Variants in PDE11A observed in about 807,000 individuals in gnomAD.
PDE11A encodes phosphodiesterase 11A, also known as dual 3',5'-cyclic-AMP and -GMP phosphodiesterase 11A.
A neutral mutation model predicts 100.5 loss-of-function variants in PDE11A; 100 were observed. The observed-to-expected ratio is 1.00, with a 90% CI of 0.85 to 1.18. PDE11A has a LOEUF of 1.18. Ranked by LOEUF, PDE11A falls within the 50% of genes most tolerant of loss-of-function variation. The pLI, the probability that PDE11A is intolerant of heterozygous loss-of-function variation, is 0.00. For synonymous variants in PDE11A, 381 were observed against 420.8 expected, an observed-to-expected ratio of 0.91 and a Z score of 1.16; for missense variants, 1,141 against 1,152.6, an observed-to-expected ratio of 0.99 and a Z score of 0.15.
chr2:177,627,769 C>G lies in PDE11A; in HGVS notation c.*1638G>C, dbSNP rs2079858479. On this transcript the variant is annotated 3_prime_UTR_variant, in exon 20 of 20. Coordinates refer to ENST00000286063, the MANE Select transcript of PDE11A (RefSeq NM_016953.4). ...GTTGAGGCTGGAGAATTGCTTGAAC[C>G]CAGGAAGCAGAGGTTGCAGTAAGCC... The G allele has an allele frequency of 6.6e-6, 1 of 152,170 alleles. No individual in the cohort carries two copies. The highest frequency in any genetic ancestry group is 2.1e-4 in the South Asian group (1 of 4,830). 9.4% of individuals were successfully genotyped at this position (152,170 alleles called of 1,614,324 possible).
intron 5 of PDE11A, among the ~76,000 whole-genome samples, chr2:177,871,893 C>T (rs1187061623): frequency 6.6e-6 from 1 of 152,106 alleles, no homozygotes; most frequent in African/African-American, 2.4e-5. Flanking sequence ...TCCAGGAATA[C>T]TTCAAGGATG....
At chr2:177,711,245 C>A (rs1464218851) in intron 13 of PDE11A, among the ~76,000 whole-genome samples, 2 of 152,190 alleles carry the variant, frequency 1.3e-5, no homozygotes, top group Non-Finnish European at 2.9e-5. Flanking sequence ...TTGTTTCTTC[C>A]ACCTTTCTAT....
At position 177,692,492 on chromosome 2, in the gene PDE11A, T is replaced by C. The variant is rs116024868; in HGVS notation, c.2345+4840A>G. Among the ~76,000 whole-genome samples the C allele has an allele frequency of 9.3e-3, 1,423 of 152,330 alleles. 10 individuals carry two copies. The highest frequency in any genetic ancestry group is 0.015 in the Non-Finnish European group (1,036 of 68,030). ...GAGATTAGAATGGGTGATATGCCTATACCCCTGTTGCTGACAAGGAAACTG... is the reference window on the plus strand; with the variant it reads ...GAGATTAGAATGGGTGATATGCCTACACCCCTGTTGCTGACAAGGAAACTG... On this transcript the variant is annotated intron_variant, in intron 15 of 19. Coordinates refer to ENST00000286063, the MANE Select transcript of PDE11A (RefSeq NM_016953.4).
intron 14 of PDE11A, chr2:177,698,305 T>G (rs888270580): frequency 6.6e-6 from 1 of 152,200 alleles, no homozygotes; most frequent in African/African-American, 2.4e-5. Flanking sequence ...CTTGTTTTCA[T>G]CAAAATTTGT....
intron 2 of PDE11A, among the ~76,000 whole-genome samples, chr2:177,995,153 G>C (rs2086055055): frequency 6.6e-6 from 1 of 152,220 alleles, no homozygotes; most frequent in Non-Finnish European, 1.5e-5. Flanking sequence ...AATTTCTGTA[G>C]TTGAAATGGC....
chr2:177,871,842 C>G (rs563900392), intron 5 of PDE11A, among the ~76,000 whole-genome samples: 5 of 152,156 alleles, frequency 3.3e-5, no homozygotes, highest in South Asian at 4.1e-4. Context: ...GCCTGGGCAA[C>G]AGAGTGAGAC....
At chr2:177,899,660 T>TG in intron 3 of PDE11A, 8 of 174,218 alleles carry the variant, frequency 4.6e-5, no homozygotes, top group East Asian at 1.9e-4. Context: ...ATATATGTAA[T>TG]TTACATTTAG....
intron 9 of PDE11A, among the ~76,000 whole-genome samples, chr2:177,810,380 G>T (rs192595802): frequency 1.3e-5 from 2 of 152,284 alleles, no homozygotes; most frequent in Admixed American, 1.3e-4. Context: ...TTCAGCAGAG[G>T]TAAACATACA....
At chr2:178,041,462 T>A (rs1238278332) in intron 1 of PDE11A, among the ~76,000 whole-genome samples, 1 of 151,714 alleles carries the variant, frequency 6.6e-6, no homozygotes, top group Non-Finnish European at 1.5e-5. Flanking sequence ...CAGGCTGGTC[T>A]CGAACTCCTG....
chr2:177,948,226 A>G (rs1438063611), intron 2 of PDE11A, among the ~76,000 whole-genome samples: 2 of 152,094 alleles, frequency 1.3e-5, no homozygotes, highest in African/African-American at 2.4e-5. Flanking sequence ...AAATTTTCCA[A>G]TTTTTTGATT....
chr2:177,784,934 T>C (rs2082510670), intron 9 of PDE11A, among the ~76,000 whole-genome samples: 1 of 152,236 alleles, frequency 6.6e-6, no homozygotes, highest in Non-Finnish European at 1.5e-5. Context: ...TTAATCTGTT[T>C]ATACGGATTA....
At chr2:178,042,654 T>C (rs1458725077) in intron 1 of PDE11A, among the ~76,000 whole-genome samples, 2 of 152,154 alleles carry the variant, frequency 1.3e-5, no homozygotes, top group African/African-American at 2.4e-5. Flanking sequence ...AGCTAATCTA[T>C]TTTACATGAT....
chr2:177,817,557 T>C (rs1392019190), intron 8 of PDE11A, among the ~76,000 whole-genome samples: 4 of 152,154 alleles, frequency 2.6e-5, no homozygotes, highest in Non-Finnish European at 5.9e-5. Context: ...CAGGGTTTCA[T>C]GACTCTGAAC....
chr2:177,765,631 T>C (rs1241708594), intron 10 of PDE11A, among the ~76,000 whole-genome samples: 1 of 152,186 alleles, frequency 6.6e-6, no homozygotes, highest in African/African-American at 2.4e-5. Context: ...ACCCATTCTA[T>C]CGGGAGCATT....
At chr2:177,675,790 C>A (rs1574032943) in intron 16 of PDE11A, 2 of 587,176 alleles carry the variant, frequency 3.4e-6, no homozygotes, top group Admixed American at 4.7e-5. Context: ...GCACTACTTT[C>A]TGTACACCTG....
At chr2:177,897,473 C>G (rs369465598) in intron 4 of PDE11A, among the ~76,000 whole-genome samples, 2 of 152,094 alleles carry the variant, frequency 1.3e-5, no homozygotes, top group Non-Finnish European at 2.9e-5. Flanking sequence ...TGCCAGAATT[C>G]GCAGGTTAAC....
chr2:177,701,359 GAAAT>G, intron 13 of PDE11A, 148 bp from the exon 14 acceptor site: 1 of 669,192 alleles, frequency 1.5e-6, no homozygotes, highest in East Asian at 2.7e-5. Flanking sequence ...ATTCATCTAT[GAAAT>G]AAATCGTTCA....
intron 2 of PDE11A, among the ~76,000 whole-genome samples, chr2:177,916,455 C>A (rs185211965): frequency 6.6e-6 from 1 of 152,316 alleles, no homozygotes; most frequent in Non-Finnish European, 1.5e-5. Flanking sequence ...TTCAGACCCA[C>A]GTTTCAGTCT....
intron 9 of PDE11A, among the ~76,000 whole-genome samples, chr2:177,800,892 A>G (rs2082783543): frequency 6.6e-6 from 1 of 152,318 alleles, no homozygotes; most frequent in South Asian, 2.1e-4. Context: ...GTGGACCACA[A>G]AAGAGCTCAG....
Sources: gnomAD v4.1 joint callset for allele counts (sites outside exome capture counted in the v4.1 genomes callset) on GRCh38, gnomAD v4.1.1 for gene constraint, MANE v1.5 for transcripts, NCBI Gene and HGNC (gene_info 2026-07-23, HGNC 2026-07-21) for gene names.